CEP131: variants seen among roughly 807,000 people sequenced by gnomAD.
The protein encoded by CEP131 is centrosomal protein 131.
Under a neutral mutation model 136.8 loss-of-function variants are expected in CEP131, and 99 were observed. The ratio of observed to expected loss-of-function variants is 0.72; its 90% confidence interval spans 0.62 to 0.86. The LOEUF (loss-of-function observed/expected upper bound fraction) is 0.86. CEP131 is among the 40% of genes least tolerant of loss of function. The probability of loss-of-function intolerance (pLI) is 0.00; values close to 1 mark genes in which losing one functional copy is unlikely to be tolerated. For missense variants in CEP131, 1,459 were observed against 1,463.0 expected, an observed-to-expected ratio of 1.00 and a Z score of 0.04; for synonymous variants, 646 against 612.7, an observed-to-expected ratio of 1.05 and a Z score of -0.80.
intron 7 of CEP131, among the ~76,000 whole-genome samples, chr17:81,201,120 T>C (rs2146583108): frequency 6.6e-6 from 1 of 151,928 alleles, no homozygotes; most frequent in Admixed American, 6.5e-5. Flanking sequence ...CGGGACCATG[T>C]GTGGATTCTC....
rs375436934 is a variant in CEP131, at chr17:81,220,030, G to A, written c.27C>T (p.Ser9=). 1.4e-4 allele frequency: 218 copies of A among 1,595,248 alleles called. No individual in the cohort carries two copies. Among genetic ancestry groups the A allele is most frequent in the Non-Finnish European group, 1.6e-4 (192 of 1,171,290 alleles). The change falls in exon 2 of 26, where the codon AGC becomes AGT. Residue 9 remains serine, a synonymous_variant. Coordinates refer to ENST00000450824, the MANE Select transcript of CEP131 (RefSeq NM_014984.4). Reference sequence around the variant, plus strand: ...CACCTGCTGGGCTGCGCTCCGGGACGCTGCCGATGGCCCGGGTGCCTTTCA... The same window carrying A: ...CACCTGCTGGGCTGCGCTCCGGGACACTGCCGATGGCCCGGGTGCCTTTCA... MKGTRAIG[S]VPERSPAGVD...
Position 81,203,481 on chromosome 17 carries a change from C to G in CEP131, c.629+13G>C, listed in dbSNP as rs771305989. ...GGACCCCGCAGCCCCGCGGCCTCCC[C>G]AGAAGACCTTACTTGAGGGAGGGGG... On this transcript the variant is annotated intron_variant, in intron 6 of 25. Coordinates refer to ENST00000450824, the MANE Select transcript of CEP131 (RefSeq NM_014984.4). This position sits in a 1 kb window ranked among gnomAD's most constrained non-coding sequence, Gnocchi z 4.6. 1 of 1,584,932 alleles carries G rather than the reference C, an allele frequency of 6.3e-7. No homozygotes were observed. Among genetic ancestry groups the G allele is most frequent in the African/African-American group, 1.3e-5 (1 of 74,528 alleles).
chr17:81,192,362 C>T lies in CEP131; in HGVS notation c.2578G>A (p.Glu860Lys). The T allele has an allele frequency of 2.5e-6, 4 of 1,593,396 alleles. No individual in the cohort carries two copies. Among genetic ancestry groups the T allele is most frequent in the Non-Finnish European group, 3.4e-6 (4 of 1,171,412 alleles). Residue 860 changes from glutamate (E) to lysine (K), a missense_variant, in exon 21 of 26, where the codon GAG becomes AAG. Around this residue, in one of 3 missense-constraint regions of CEP131, gnomAD observed 1,026 missense variants for 964.2 expected, o/e 1.06. Transcript: ENST00000450824. ...GCCTCCCACGCCTGCCTCTCCAGCT[C>T]CAGCTGCTGCTTCAGGGTATTCAGC... ...MELNTLKQQL[E>K]LERQAWEAGR...
chr17:81,213,226 A>C (rs901467529), intron 2 of CEP131, among the ~76,000 whole-genome samples: 1 of 152,232 alleles, frequency 6.6e-6, no homozygotes, highest in Admixed American at 6.5e-5. Flanking sequence ...GAAGTGTAAA[A>C]TAAATATCCA....
chr17:81,206,084 C>T (rs912723494), intron 5 of CEP131, among the ~76,000 whole-genome samples: 3 of 151,886 alleles, frequency 2.0e-5, no homozygotes, highest in Non-Finnish European at 2.9e-5. Context: ...CGTGGTGGCA[C>T]GTGCTTATAA....
intron 24 of CEP131, 93 bp from the exon 25 acceptor site, chr17:81,190,068 G>A (rs1367541922): frequency 5.1e-6 from 6 of 1,171,298 alleles, no homozygotes; most frequent in Non-Finnish European, 7.1e-6. Flanking sequence ...CAGCCGCCTG[G>A]TCAGCCTGGT....
rs538860417 is a variant in CEP131 at position 81,194,028 on chromosome 17, C to G, written c.2219G>C (p.Arg740Pro). The change falls in exon 18 of 26, where the codon CGG (arginine) becomes CCG (proline). Residue 740 changes from arginine (R) to proline (P), a missense_variant. Around this residue, in one of 3 missense-constraint regions of CEP131, gnomAD observed 1,026 missense variants for 964.2 expected, o/e 1.06. Transcript: ENST00000450824. The part of the protein sequence containing the change: ...HEAELLQSDE[R>P]ASQRCLRQAE... ...CTGGCGCAGGCAGCGCTGCGAGGCC[C>G]GCTCATCCGACTGCAGCAGCTCCGC... is the stretch of plus-strand genomic sequence containing the variant. 2 of 1,577,034 alleles carry G rather than the reference C, an allele frequency of 1.3e-6. No homozygotes were observed. Among genetic ancestry groups the G allele is most frequent in the Middle Eastern group, 1.7e-4 (1 of 5,918 alleles).
At chr17:81,207,270 A>G (rs1446046891) in intron 3 of CEP131, 31 bp from the exon 4 acceptor site, 1 of 1,604,108 alleles carries the variant, frequency 6.2e-7, no homozygotes, top group Non-Finnish European at 8.5e-7. Flanking sequence ...CACACAAGGA[A>G]AGAGTCACCA....
At chr17:81,220,292 G>A (rs951122565) in intron 1 of CEP131, among the ~76,000 whole-genome samples, 2 of 152,244 alleles carry the variant, frequency 1.3e-5, no homozygotes, top group East Asian at 3.9e-4. Flanking sequence ...AGGGCAGGAG[G>A]GCCCTGGATG....
rs1443530712 is a variant in CEP131, at chr17:81,199,791, G to A, written c.951C>T (p.His317=). The A allele has an allele frequency of 1.9e-6, 3 of 1,611,734 alleles. No individual in the cohort carries two copies. Among genetic ancestry groups the A allele is most frequent in the Admixed American group, 1.7e-5 (1 of 60,030 alleles). ...TCCTCCTGGCTGCCTCTTTCTGCTG[G>A]TGCAGGTCCAAGAGGGTCCCCTCGC... ...RSGEGTLLDL[H]QQKEAARRKA... is the part of the protein sequence containing the mutation. The change falls in exon 9 of 26, where the codon CAC becomes CAT. Residue 317 remains histidine (H), a synonymous_variant. Coordinates refer to ENST00000450824, the MANE Select transcript of CEP131 (RefSeq NM_014984.4).
At chr17:81,206,450 G>A (rs2062010246) in intron 5 of CEP131, among the ~76,000 whole-genome samples, 1 of 152,062 alleles carries the variant, frequency 6.6e-6, no homozygotes, top group African/African-American at 2.4e-5. Context: ...CCCCCTACAA[G>A]CCTCCTCAGC....
Position 81,199,620 on chromosome 17 carries a change from T to G in CEP131, c.1024-71A>C, listed in dbSNP as rs531405516. 2.0e-4 allele frequency: 321 copies of G among 1,593,068 alleles called. 1 individual carries two copies. In the African/African-American group the frequency reaches 3.9e-3, roughly 19 times the overall value. ...CCCAGGCTCCACAGCCAAGCTGCCC[T>G]GAGGCTAAGTGTCCCGGGGCCCAGG... On this transcript the variant is annotated intron_variant, in intron 9 of 25. Transcript: ENST00000450824.
At chr17:81,213,303 T>C (rs144820244) in intron 2 of CEP131, among the ~76,000 whole-genome samples, 6,083 of 152,330 alleles carry the variant, frequency 0.04, 184 homozygotes, top group Non-Finnish European at 0.056. Flanking sequence ...CTCATGCCTG[T>C]AATCCCAGCA....
At chr17:81,217,330 A>G (rs1464598203) in intron 2 of CEP131, among the ~76,000 whole-genome samples, 1 of 152,086 alleles carries the variant, frequency 6.6e-6, no homozygotes, top group Non-Finnish European at 1.5e-5. Context: ...ATCTTTAGAG[A>G]CAAGGGGTAG....
rs1311726460 is a variant in CEP131 at position 81,197,615 on chromosome 17, G to A, written c.1647+97C>T. 8 of 1,463,902 alleles carry A rather than the reference G, an allele frequency of 5.5e-6. No individual in the cohort carries two copies. In the African/African-American group the frequency reaches 9.9e-5, roughly 18 times the overall value. 90.7% of individuals were successfully genotyped at this position (1,463,902 alleles called of 1,614,324 possible). A position where few individuals can be genotyped will look rare whatever the true frequency, so the allele number is the denominator to read the frequency against. On this transcript the variant is annotated intron_variant, in intron 13 of 25. Coordinates refer to ENST00000450824, the MANE Select transcript of CEP131 (RefSeq NM_014984.4). Reference sequence around the variant, plus strand: ...GACCTCCTCCCCCTGGGGGCCAGGTGCGGGCTGGTGAGGGGCCTCCTCCCC... The same window carrying A: ...GACCTCCTCCCCCTGGGGGCCAGGTACGGGCTGGTGAGGGGCCTCCTCCCC...
chr17:81,191,149 C>T (rs776509782), intron 22 of CEP131, 44 bp downstream of exon 22: 4 of 1,607,912 alleles, frequency 2.5e-6, no homozygotes, highest in East Asian at 2.2e-5. Context: ...CGCCTCAGCT[C>T]GTGGGCCTCC....
Position 81,203,837 on chromosome 17 carries a change from G to A in CEP131, c.516-230C>T. The A allele has an allele frequency of 5.5e-6, 3 of 541,814 alleles. No homozygotes were observed. The highest frequency in any genetic ancestry group is 6.6e-5 in the Admixed American group (2 of 30,320). 33.6% of individuals were successfully genotyped at this position (541,814 alleles called of 1,614,324 possible). A position where few individuals can be genotyped will look rare whatever the true frequency, so the allele number is the denominator to read the frequency against. On this transcript the variant is annotated intron_variant, in intron 5 of 25. Transcript: ENST00000450824. This position sits in a 1 kb window ranked among gnomAD's most constrained non-coding sequence, Gnocchi z 4.6. The stretch of plus-strand genomic sequence containing the variant: ...GACCAGGGGCTCCCACGGGGCAGGG[G>A]ATAGAATCGAGGCATGAACGCTGGA...
Position 81,198,953 on chromosome 17 carries a change from G to A in CEP131, c.1211C>T (p.Ala404Val). 6.3e-7 allele frequency: 1 copy of A among 1,577,196 alleles called. No homozygotes were observed. The highest frequency in any genetic ancestry group is 8.6e-7 in the Non-Finnish European group (1 of 1,163,634). Residue 404 changes from alanine (A) to valine (V), a missense_variant, in exon 11 of 26, where the codon GCA (alanine) becomes GTA (valine). Physicochemically the swap from Ala to Val is moderately conservative, Grantham distance 64 (BLOSUM62 0). Around this residue, in one of 3 missense-constraint regions of CEP131, gnomAD observed 1,026 missense variants for 964.2 expected, o/e 1.06. Coordinates refer to ENST00000450824, the MANE Select transcript of CEP131 (RefSeq NM_014984.4). ...GGGCAGGCAGCGGTCTCCGGGGCCTGCAGCAGGGAGGCCACCACCTGCACA... is the reference window on the plus strand; with the variant it reads ...GGGCAGGCAGCGGTCTCCGGGGCCTACAGCAGGGAGGCCACCACCTGCACA... ...ANNTGGGLPA[A>V]GPGDRCLPTS...
intron 24 of CEP131, 150 bp from the exon 25 acceptor site, chr17:81,190,125 C>T (rs2061606301): frequency 2.9e-6 from 2 of 682,718 alleles, no homozygotes; most frequent in Non-Finnish European, 4.8e-6. Context: ...AGACAGCTGT[C>T]CAGGCAACCC....
Sources: gnomAD v4.1 joint callset for allele counts (sites outside exome capture counted in the v4.1 genomes callset) on GRCh38, gnomAD v4.1.1 for gene constraint, gnomAD v4.1.1 regional missense constraint, Gnocchi (gnomAD v3.1) non-coding constraint, MANE v1.5 for transcripts, NCBI Gene and HGNC (gene_info 2026-07-23, HGNC 2026-07-21) for gene names.